The following ARGFX variants were observed in gnomAD, a reference collection of about 807,000 sequenced individuals.
ARGFX encodes arginine-fifty homeobox.
ARGFX carries 10 observed loss-of-function variants against 8.0 expected under a neutral mutation model. The ratio of observed to expected loss-of-function variants is 1.25; its 90% confidence interval spans 0.77 to 2.12. The LOEUF (loss-of-function observed/expected upper bound fraction) is 2.12, where lower values mean the gene tolerates loss of function less well. ARGFX is among the 30% of genes most tolerant of loss of function. The pLI, the probability that ARGFX is intolerant of heterozygous loss-of-function variation, is 0.00. For missense variants in ARGFX, 282 were observed against 324.3 expected (o/e 0.87, Z 1.00); for synonymous variants, 116 against 117.8 (o/e 0.98, Z 0.10).
rs2048833591 is a variant in ARGFX, at chr3:121,589,550, T to A, written c.*2950T>A. On this transcript the variant is annotated 3_prime_UTR_variant, in exon 5 of 5. Coordinates refer to ENST00000334384, the MANE Select transcript of ARGFX (RefSeq NM_001012659.2). ...CGCCACCACACCCAGCTAATTTTTG[T>A]ATTTTTAGTAGGGACAGGTTTTGCC... Among the ~76,000 whole-genome samples, 1 of 152,108 alleles carries A rather than the reference T, an allele frequency of 6.6e-6. No individual in the cohort carries two copies. Among genetic ancestry groups the A allele is most frequent in the Non-Finnish European group, 1.5e-5 (1 of 68,024 alleles).
chr3:121,584,661 C>A (rs1055873873), intron 3 of ARGFX, among the ~76,000 whole-genome samples: 13 of 152,130 alleles, frequency 8.5e-5, no homozygotes, highest in Non-Finnish European at 1.8e-4. Flanking sequence ...AGACTGAGTA[C>A]ACAGAAAATT....
intron 3 of ARGFX, among the ~76,000 whole-genome samples, chr3:121,577,257 A>ATTTTTT (rs1451662475): frequency 1.4e-4 from 8 of 56,408 alleles, no homozygotes; most frequent in South Asian, 1.1e-3. Flanking sequence ...ATATATATAT[A>ATTTTTT]TATTTTTTTT....
intron 3 of ARGFX, among the ~76,000 whole-genome samples, chr3:121,577,246 T>TATATATATATATATATCTACATGTAC (rs1576442197): frequency 2.0e-5 from 1 of 49,116 alleles, no homozygotes; most frequent in Non-Finnish European, 4.0e-5. Flanking sequence ...TATATATATA[T>TATATATATATATATATCTACATGTAC]ATATATATAT....
Position 121,589,561 on chromosome 3 carries a change from G to A in ARGFX, c.*2961G>A, listed in dbSNP as rs1312024332. 2.0e-5 allele frequency among the ~76,000 whole-genome samples: 3 copies of A among 152,118 alleles called. No individual in the cohort carries two copies. The highest frequency in any genetic ancestry group is 2.1e-4 in the South Asian group (1 of 4,822). On this transcript the variant is annotated 3_prime_UTR_variant, in exon 5 of 5. Transcript: ENST00000334384. ...CCAGCTAATTTTTGTATTTTTAGTA[G>A]GGACAGGTTTTGCCATGTTGCCCAG...
chr3:121,577,250 TATATATA>T (rs1560120561), intron 3 of ARGFX, among the ~76,000 whole-genome samples: 2 of 55,308 alleles, frequency 3.6e-5, no homozygotes, highest in South Asian at 5.0e-4. Context: ...TATATATATA[TATATATA>T]TATTTTTTTT....
At chr3:121,584,812 G>A in intron 3 of ARGFX, 105 bp from the exon 4 acceptor site, 1 of 1,336,210 alleles carries the variant, frequency 7.5e-7, no homozygotes, top group Non-Finnish European at 1.0e-6. Flanking sequence ...GGAAAGGCAT[G>A]AGAGATTCAC....
At chr3:121,580,458 T>C (rs1340660151) in intron 3 of ARGFX, among the ~76,000 whole-genome samples, 3 of 151,948 alleles carry the variant, frequency 2.0e-5, no homozygotes, top group Non-Finnish European at 4.4e-5. Flanking sequence ...ACCATTTCTA[T>C]CAGTTCCATT....
intron 3 of ARGFX, among the ~76,000 whole-genome samples, chr3:121,584,133 C>A (rs760828324): frequency 3.3e-5 from 5 of 150,708 alleles, no homozygotes; most frequent in African/African-American, 1.2e-4. Flanking sequence ...GAACTATGAT[C>A]GTGCCACAGC....
rs1227697987 is a variant in ARGFX at position 121,580,606 on chromosome 3, A to ATATTTT, written c.220+3707_220+3708insATTTTT. ...TGTGTGTGTGTGTGTATATATATAT[A>ATATTTT]TTTTTTTTTTTTTTTTGAGATGAAG... On this transcript the variant is annotated intron_variant, in intron 3 of 4. Coordinates refer to ENST00000334384, the MANE Select transcript of ARGFX (RefSeq NM_001012659.2). 3.7e-3 allele frequency among the ~76,000 whole-genome samples: 422 copies of ATATTTT among 115,208 alleles called. 5 individuals are homozygous for ATATTTT. Among genetic ancestry groups the ATATTTT allele is most frequent in the East Asian group, 0.021 (70 of 3,392 alleles). The allele number at this position is 115,208 out of a possible 152,430, so 75.6% of individuals were successfully genotyped here. A position where few individuals can be genotyped will look rare whatever the true frequency, so the allele number is the denominator to read the frequency against.
intron 3 of ARGFX, among the ~76,000 whole-genome samples, chr3:121,584,254 GGAAGGAAGGAA>G: frequency 7.0e-6 from 1 of 143,600 alleles, no homozygotes; most frequent in Admixed American, 7.0e-5. Context: ...AAGGAAGGAA[GGAAGGAAGGAA>G]GGAAAGAAAA....
At chr3:121,582,961 C>T (rs985673452) in intron 3 of ARGFX, among the ~76,000 whole-genome samples, 1 of 152,090 alleles carries the variant, frequency 6.6e-6, no homozygotes, top group South Asian at 2.1e-4. Flanking sequence ...CTGCCTTGGC[C>T]TCCCAAAGTG....
At chr3:121,571,281 C>A (rs904197062) in intron 2 of ARGFX, among the ~76,000 whole-genome samples, 1 of 151,886 alleles carries the variant, frequency 6.6e-6, no homozygotes, top group African/African-American at 2.4e-5. Context: ...GATATTTTAT[C>A]CTGGAGATTT....
In ARGFX at chr3:121,589,908, A is replaced by G. The variant is rs1235669212; in HGVS notation, c.*3308A>G. Among the ~76,000 whole-genome samples the G allele has an allele frequency of 2.0e-5, 3 of 152,156 alleles. No homozygotes were observed. The highest frequency in any genetic ancestry group is 7.2e-5 in the African/African-American group (3 of 41,458). ...GATAATAACAGTCCAAAGAAAGCAG[A>G]AAGAAGGAAAGCCTAGAACAGAAAT... is the stretch of plus-strand genomic sequence containing the variant. On this transcript the variant is annotated 3_prime_UTR_variant, in exon 5 of 5. Coordinates refer to ENST00000334384, the MANE Select transcript of ARGFX (RefSeq NM_001012659.2).
Position 121,586,400 on chromosome 3 carries a change from C to G in ARGFX, c.748C>G (p.Leu250Val), listed in dbSNP as rs767774398. Residue 250 changes from leucine to valine, a missense_variant, in exon 5 of 5, where the codon CTG (leucine) becomes GTG (valine). Leu to Val is a conservative substitution (Grantham distance 32). Transcript: ENST00000334384. The part of the protein sequence containing the change: ...NEISSSSFHC[L>V]YQYLSPTKYQ... ...GATATCCAGCTCTTCTTTCCACTGT[C>G]TGTATCAGTATCTCTCACCCACAAA... The G allele has an allele frequency of 6.2e-7, 1 of 1,614,092 alleles. No homozygotes were observed. Among genetic ancestry groups the G allele is most frequent in the Non-Finnish European group, 8.5e-7 (1 of 1,180,032 alleles).
intron 3 of ARGFX, 108 bp from the exon 4 acceptor site, chr3:121,584,809 C>T: frequency 7.7e-7 from 1 of 1,290,334 alleles, no homozygotes; most frequent in South Asian, 1.4e-5. Flanking sequence ...GGAGGAAAGG[C>T]ATGAGAGATT....
rs568676138 is a variant in ARGFX, at chr3:121,586,048, A to G, written c.396A>G (p.Lys132=). 1.9e-6 allele frequency: 3 copies of G among 1,585,748 alleles called. 1 individual carries two copies. In the South Asian group the frequency reaches 3.5e-5, roughly 18 times the overall value. The change falls in exon 5 of 5, where the codon AAA becomes AAG. Residue 132 remains lysine (K), a synonymous_variant. Transcript: ENST00000334384. ...TTTGGTTCAGGAACCGGCGATTCAA[A>G]TTGAAGAAGCAGCAGCAGCAGCAAT... ...VKVWFRNRRF[K]LKKQQQQQSA...
Position 121,590,495 on chromosome 3 carries a change from T to G in ARGFX, c.*3895T>G, listed in dbSNP as rs2048837753. On this transcript the variant is annotated 3_prime_UTR_variant, in exon 5 of 5. Transcript: ENST00000334384. ...TTTCTCTCTCTCTCTTACCTCCTCC[T>G]CTCCCTTCCTTCTGCCATGGGAGGA... is the stretch of plus-strand genomic sequence containing the variant. 7.5e-6 allele frequency among the ~76,000 whole-genome samples: 1 copy of G among 133,120 alleles called. No individual in the cohort carries two copies. Among genetic ancestry groups the G allele is most frequent in the Non-Finnish European group, 1.6e-5 (1 of 63,372 alleles). 87.3% of individuals were successfully genotyped at this position (133,120 alleles called of 152,430 possible).
At chr3:121,571,656 C>T (rs537407288) in intron 2 of ARGFX, among the ~76,000 whole-genome samples, 7 of 151,510 alleles carry the variant, frequency 4.6e-5, no homozygotes, top group Admixed American at 2.0e-4. Flanking sequence ...CTCCACCTCC[C>T]GGGTTCAAGT....
At position 121,588,808 on chromosome 3, in the gene ARGFX, T is replaced by C. The variant is rs201503811; in HGVS notation, c.*2208T>C. On this transcript the variant is annotated 3_prime_UTR_variant, in exon 5 of 5. Coordinates refer to ENST00000334384, the MANE Select transcript of ARGFX (RefSeq NM_001012659.2). Reference sequence around the variant, plus strand: ...TGGGCATGGTGGCACACACCTGTAGTCCCAGCTACTTGGGAGGCTGAGGCA... The same window carrying C: ...TGGGCATGGTGGCACACACCTGTAGCCCCAGCTACTTGGGAGGCTGAGGCA... Among the ~76,000 whole-genome samples the C allele has an allele frequency of 1.9e-4, 29 of 152,136 alleles. No homozygotes were observed. The East Asian group carries it at 3.5e-3, about 18-fold the overall frequency.
Sources: allele counts gnomAD v4.1 joint callset (sites outside exome capture counted in the v4.1 genomes callset), GRCh38; gene constraint gnomAD v4.1.1; transcripts MANE v1.5; gene names NCBI Gene and HGNC (gene_info 2026-07-23, HGNC 2026-07-21).